The following SCARA5 variants were observed in gnomAD, a reference collection of about 807,000 sequenced individuals.
The protein encoded by SCARA5 is scavenger receptor class A member 5, also known as scavenger receptor class A, member 5 (putative).
Under a neutral mutation model 46.3 loss-of-function variants are expected in SCARA5, and 45 were observed. The ratio of observed to expected loss-of-function variants is 0.97; its 90% CI spans 0.76 to 1.24. The LOEUF is 1.24. Among genes scored for constraint, SCARA5 ranks in the 50% most tolerant of loss-of-function variants. The probability of loss-of-function intolerance (pLI) is 0.00; values close to 1 mark genes in which losing one functional copy is unlikely to be tolerated. For missense variants in SCARA5, 680 were observed against 689.0 expected (o/e 0.99, Z 0.15); for synonymous variants, 333 against 306.5 (o/e 1.09, Z -0.90).
intron 3 of SCARA5, among the ~76,000 whole-genome samples, chr8:27,955,234 C>T (rs1585511736): frequency 6.6e-6 from 1 of 152,338 alleles, no homozygotes; most frequent in Admixed American, 6.5e-5. Flanking sequence ...CAGACAGAAA[C>T]ACAGCGAGGG....
At chr8:27,883,692 A>G (rs1039936889) in intron 7 of SCARA5, among the ~76,000 whole-genome samples, 1 of 152,216 alleles carries the variant, frequency 6.6e-6, no homozygotes, top group African/African-American at 2.4e-5. Context: ...CCAAGGCCAG[A>G]GAAGAAATCA....
chr8:27,890,923 C>T (rs1470962766), intron 7 of SCARA5, among the ~76,000 whole-genome samples: 1 of 152,184 alleles, frequency 6.6e-6, no homozygotes, highest in Non-Finnish European at 1.5e-5. Context: ...GTTGTCCCGG[C>T]AGGTGTGGGT....
intron 3 of SCARA5, among the ~76,000 whole-genome samples, chr8:27,961,498 A>G (rs781755204): frequency 1.3e-5 from 2 of 152,196 alleles, no homozygotes; most frequent in Non-Finnish European, 2.9e-5. Context: ...TTTTCTTTAT[A>G]AGTTATCCCA....
At chr8:27,916,591 G>A (rs899365000) in intron 4 of SCARA5, among the ~76,000 whole-genome samples, 2 of 152,218 alleles carry the variant, frequency 1.3e-5, no homozygotes, top group African/African-American at 4.8e-5. Flanking sequence ...GTATGGGAAT[G>A]CCTGGAAGCT....
intron 3 of SCARA5, among the ~76,000 whole-genome samples, chr8:27,932,038 G>C (rs1585497735): frequency 6.6e-6 from 1 of 151,996 alleles, no homozygotes; most frequent in African/African-American, 2.4e-5. Flanking sequence ...GAGTGCAGTG[G>C]CGTCATCTCG....
At chr8:27,891,569 C>G (rs527985055) in intron 7 of SCARA5, among the ~76,000 whole-genome samples, 2 of 152,328 alleles carry the variant, frequency 1.3e-5, no homozygotes, top group South Asian at 4.1e-4. Context: ...CTTAAAGTGC[C>G]TGCCTGAGAA....
intron 3 of SCARA5, among the ~76,000 whole-genome samples, chr8:27,949,459 G>A (rs759973844): frequency 1.6e-4 from 24 of 152,196 alleles, no homozygotes; most frequent in Non-Finnish European, 2.8e-4. Context: ...GTAACCTATT[G>A]GATGGGAAAT....
chr8:27,886,437 C>T (rs35948462), intron 7 of SCARA5, among the ~76,000 whole-genome samples: 32,580 of 152,226 alleles, frequency 0.21, 4,426 homozygotes, highest in Middle Eastern at 0.39. Flanking sequence ...AAAATCTCAG[C>T]TCTGTTACCA....
chr8:27,929,767 T>G (rs1239661148), intron 3 of SCARA5, among the ~76,000 whole-genome samples: 1 of 152,226 alleles, frequency 6.6e-6, no homozygotes, highest in African/African-American at 2.4e-5. Context: ...ACCTACTGTA[T>G]GCCAAACTTG....
chr8:27,911,739 T>C (rs944815554), intron 4 of SCARA5, among the ~76,000 whole-genome samples: 5 of 152,134 alleles, frequency 3.3e-5, no homozygotes, highest in African/African-American at 1.2e-4. Flanking sequence ...CCATGAAAAG[T>C]GGCCTTTATA....
At chr8:27,956,847 A>C (rs1165624908) in intron 3 of SCARA5, among the ~76,000 whole-genome samples, 1 of 152,196 alleles carries the variant, frequency 6.6e-6, no homozygotes, top group Non-Finnish European at 1.5e-5. Context: ...GAGGGCCCCA[A>C]GCCTTGGGCG....
At chr8:27,888,100 A>T (rs1806926088) in intron 7 of SCARA5, among the ~76,000 whole-genome samples, 1 of 152,044 alleles carries the variant, frequency 6.6e-6, no homozygotes, top group Non-Finnish European at 1.5e-5. Flanking sequence ...TCTGTCACCC[A>T]GGCTGGAGTG....
chr8:27,912,666 CCT>C (rs1037269324), intron 4 of SCARA5, among the ~76,000 whole-genome samples: 9 of 152,258 alleles, frequency 5.9e-5, no homozygotes, highest in African/African-American at 1.9e-4. Context: ...CCCTTTCTCT[CCT>C]CTCTGCCTCC....
intron 3 of SCARA5, among the ~76,000 whole-genome samples, chr8:27,957,211 T>C (rs900729562): frequency 4.8e-4 from 73 of 152,222 alleles, no homozygotes; most frequent in African/African-American, 1.6e-3. Flanking sequence ...CACTGCATGA[T>C]GACTCTCAAG....
At chr8:27,982,194 G>T (rs530159228) in intron 2 of SCARA5, among the ~76,000 whole-genome samples, 139 of 152,182 alleles carry the variant, frequency 9.1e-4, no homozygotes, top group African/African-American at 3.2e-3. Flanking sequence ...CCGTGGGGGC[G>T]AATGGGACTG....
chr8:27,971,831 C>T (rs531744143), intron 2 of SCARA5, among the ~76,000 whole-genome samples: 1 of 152,062 alleles, frequency 6.6e-6, no homozygotes, highest in South Asian at 2.1e-4. Flanking sequence ...TTGCTGGGAG[C>T]AGCAGGTAGA....
chr8:27,950,066 T>C (rs1454243055), intron 3 of SCARA5, among the ~76,000 whole-genome samples: 1 of 151,986 alleles, frequency 6.6e-6, no homozygotes, highest in Non-Finnish European at 1.5e-5. Context: ...AGAAAGGGGC[T>C]GAGAGCCTGG....
At position 27,937,590 on chromosome 8, in the gene SCARA5, G is replaced by A. The variant is rs536023590; in HGVS notation, c.242-15345C>T. ...CAAGAACTTCCAAGGCCCTGGCTCC[G>A]GCTCTGATTTCCATAGAAATCCCAG... On this transcript the variant is annotated intron_variant, in intron 3 of 8. Transcript: ENST00000354914. 9.9e-5 allele frequency among the ~76,000 whole-genome samples: 15 copies of A among 152,210 alleles called. No individual in the cohort carries two copies. The South Asian group carries it at 1.9e-3, about 19-fold the overall frequency.
chr8:27,900,870 A>G (rs1408720672), intron 7 of SCARA5, among the ~76,000 whole-genome samples: 1 of 151,112 alleles, frequency 6.6e-6, no homozygotes, highest in African/African-American at 2.4e-5. Flanking sequence ...TTGACTGAAA[A>G]AAACCTTTAT....
Sources: allele counts gnomAD v4.1 joint callset (sites outside exome capture counted in the v4.1 genomes callset), GRCh38; gene constraint gnomAD v4.1.1; transcripts MANE v1.5; gene names NCBI Gene and HGNC (gene_info 2026-07-23, HGNC 2026-07-21).